Variants in TCP1 observed in about 807,000 individuals in gnomAD.
TCP1 encodes t-complex 1, also known as T-complex protein 1 subunit alpha.
A neutral mutation model predicts 54.7 loss-of-function variants in TCP1; 6 were observed. The ratio of observed to expected loss-of-function variants is 0.11; its 90% CI spans 0.06 to 0.22. The LOEUF is 0.22. Among genes scored for constraint, TCP1 ranks in the 10% least tolerant of loss-of-function variants. The pLI is 1.00. For missense variants in TCP1, 511 were observed against 678.2 expected, an observed-to-expected ratio of 0.75 and a Z score of 2.74; for synonymous variants, 225 against 229.7, an observed-to-expected ratio of 0.98 and a Z score of 0.19.
rs2181197 is a variant in TCP1, at chr6:159,789,567, C to T, written c.-99G>A. 6,571 of 1,426,774 alleles carry T rather than the reference C, an allele frequency of 4.6e-3. 39 individuals are homozygous for T. The highest frequency in any genetic ancestry group is 0.023 in the Middle Eastern group (121 of 5,366). The allele number at this position is 1,426,774 out of a possible 1,614,324, so 88.4% of individuals were successfully genotyped here. A position where few individuals can be genotyped will look rare whatever the true frequency, so the allele number is the denominator to read the frequency against. On this transcript the variant is annotated 5_prime_UTR_variant, in exon 1 of 12. Transcript: ENST00000321394. ...GCGACCACAGCAGTGGCTGCGACGG[C>T]GTGGAGCGTACCCGAGCGATGTCCC...
rs755930855 is a variant in TCP1 at position 159,785,914 on chromosome 6, A to G, written c.363T>C (p.Tyr121=). The G allele has an allele frequency of 1.2e-6, 2 of 1,613,644 alleles. No individual in the cohort carries two copies. Among genetic ancestry groups the G allele is most frequent in the East Asian group, 4.5e-5 (2 of 44,866 alleles). Residue 121 remains tyrosine, a synonymous_variant, in exon 4 of 12, where the codon TAT becomes TAC. Transcript: ENST00000321394. ...KIHPTSVISG[Y]RLACKEAVRY... ...AACAATCTTACTTGCAAGCAAGTCG[A>G]TAGCCACTAATAACTGATGTGGGAT...
rs199948034 is a variant in TCP1 at position 159,785,354 on chromosome 6, G to A, written c.488+32C>T. Reference sequence around the variant, plus strand: ...ATCTCAAAGTCTTATGCTTTAAAAAGTCTAAATTTTATCTGACAACCACAA... The same window carrying A: ...ATCTCAAAGTCTTATGCTTTAAAAAATCTAAATTTTATCTGACAACCACAA... On this transcript the variant is annotated intron_variant, in intron 5 of 11. Transcript: ENST00000321394. 119 of 1,541,214 alleles carry A rather than the reference G, an allele frequency of 7.7e-5. No homozygotes were observed. In the African/African-American group the frequency reaches 1.5e-3, roughly 19 times the overall value.
chr6:159,783,754 TA>T (rs1483721281), intron 7 of TCP1, among the ~76,000 whole-genome samples, 186 bp downstream of exon 7: 1 of 151,994 alleles, frequency 6.6e-6, no homozygotes, highest in Non-Finnish European at 1.5e-5. Flanking sequence ...TCTTTAATAT[TA>T]ATAGACTCAT....
At position 159,780,338 on chromosome 6, in the gene TCP1, T is replaced by C. The variant is rs1228654282; in HGVS notation, c.1097+105A>G. 5 of 1,544,912 alleles carry C rather than the reference T, an allele frequency of 3.2e-6. No individual in the cohort carries two copies. The African/African-American group carries it at 5.4e-5, about 17-fold the overall frequency. On this transcript the variant is annotated intron_variant, in intron 9 of 11. Coordinates refer to ENST00000321394, the MANE Select transcript of TCP1 (RefSeq NM_030752.3). ...TGTTATTTTATCCCATGCGTATAAC[T>C]GCTCGTATCACTGTGAGACTACAAG...
At position 159,785,241 on chromosome 6, in the gene TCP1, C is replaced by T. The variant is rs1322350645; in HGVS notation, c.488+145G>A. 8.9e-6 allele frequency: 6 copies of T among 671,770 alleles called. No individual in the cohort carries two copies. In the East Asian group the frequency reaches 1.1e-4, roughly 12 times the overall value. The allele number at this position is 671,770 out of a possible 1,614,324, so 41.6% of individuals were successfully genotyped here. A position where few individuals can be genotyped will look rare whatever the true frequency, so the allele number is the denominator to read the frequency against. On this transcript the variant is annotated intron_variant, in intron 5 of 11. Coordinates refer to ENST00000321394, the MANE Select transcript of TCP1 (RefSeq NM_030752.3). Reference sequence around the variant, plus strand: ...CGAGACAGGGTCTTGCTATGTTGCCCACATTGGACTGGCACTCCTGGGTTC... The same window carrying T: ...CGAGACAGGGTCTTGCTATGTTGCCTACATTGGACTGGCACTCCTGGGTTC...
Position 159,785,502 on chromosome 6 carries a change from T to G in TCP1, c.378-6A>C. On this transcript the variant is annotated splice_region_variant and splice_polypyrimidine_tract_variant and intron_variant, in intron 4 of 11. Transcript: ENST00000321394. ...TGATATAACGCACTGCTTCCCTGTTTAAAAGTGTGGGGGAGAAAAACGCTT... is the reference window on the plus strand; with the variant it reads ...TGATATAACGCACTGCTTCCCTGTTGAAAAGTGTGGGGGAGAAAAACGCTT... 1 of 1,607,356 alleles carries G rather than the reference T, an allele frequency of 6.2e-7. No individual in the cohort carries two copies. The highest frequency in any genetic ancestry group is 8.5e-7 in the Non-Finnish European group (1 of 1,174,516).
In TCP1 at chr6:159,779,712, C is replaced by T; in HGVS notation, c.1369G>A (p.Ala457Thr). ...GCAACCAGATCTGTGGAGTCCTGGG[C>T]AGCATTAACTGCTAGTGTATTGGGA... ...VIPNTLAVNA[A>T]QDSTDLVAKL... Residue 457 changes from alanine (A) to threonine (T), a missense_variant, in exon 11 of 12, where the codon GCC becomes ACC. By Grantham distance (58) the Ala-to-Thr change is moderately conservative. Around this residue, in one of 5 missense-constraint regions of TCP1, gnomAD observed 88 missense variants for 153.1 expected, o/e 0.57. Coordinates refer to ENST00000321394, the MANE Select transcript of TCP1 (RefSeq NM_030752.3). 6.2e-7 allele frequency: 1 copy of T among 1,613,682 alleles called. No individual in the cohort carries two copies. The highest frequency in any genetic ancestry group is 2.2e-5 in the East Asian group (1 of 44,878).
chr6:159,784,254 G>C (rs1780641678), intron 6 of TCP1, among the ~76,000 whole-genome samples, 187 bp from the exon 7 acceptor site: 1 of 151,670 alleles, frequency 6.6e-6, no homozygotes, highest in Non-Finnish European at 1.5e-5. Flanking sequence ...TGTTGTATGT[G>C]CTTTAAATTA....
At chr6:159,780,232 A>G in intron 9 of TCP1, 145 bp from the exon 10 acceptor site, 1 of 1,214,530 alleles carries the variant, frequency 8.2e-7, no homozygotes, top group Non-Finnish European at 1.2e-6. Context: ...CAGGATATTT[A>G]GATATACTAT....
chr6:159,789,108 G>A (rs1346978759), intron 1 of TCP1: 6 of 443,924 alleles, frequency 1.4e-5, no homozygotes, highest in Admixed American at 3.7e-5. Flanking sequence ...GCACGTGCGA[G>A]CCCGGGAGGC....
chr6:159,778,881 A>AG lies in TCP1; in HGVS notation c.*163dup, dbSNP rs765228365. 2 of 1,607,884 alleles carry AG rather than the reference A, an allele frequency of 1.2e-6. No homozygotes were observed. The highest frequency in any genetic ancestry group is 3.4e-5 in the Admixed American group (2 of 59,596). On this transcript the variant is annotated 3_prime_UTR_variant, in exon 12 of 12. Coordinates refer to ENST00000321394, the MANE Select transcript of TCP1 (RefSeq NM_030752.3). ...TTTCTTTTTAAACTAATAAAGTACTAGGTTGCAATATGTGAAATCAGAGGA... is the reference window on the plus strand; with the variant it reads ...TTTCTTTTTAAACTAATAAAGTACTAGGGTTGCAATATGTGAAATCAGAGGA...
At chr6:159,780,825 G>T in intron 8 of TCP1, 110 bp downstream of exon 8, 1 of 1,347,752 alleles carries the variant, frequency 7.4e-7, no homozygotes, top group Non-Finnish European at 1.0e-6. Flanking sequence ...AGCATTAAGA[G>T]AATATAAATG....
intron 7 of TCP1, among the ~76,000 whole-genome samples, chr6:159,781,353 C>T (rs1780571885): frequency 6.6e-6 from 1 of 152,180 alleles, no homozygotes; most frequent in Non-Finnish European, 1.5e-5. Context: ...GAACACAGGT[C>T]CTGCCTTCAA....
chr6:159,778,547 T>G lies in TCP1; in HGVS notation c.*498A>C. 8.2e-7 allele frequency: 1 copy of G among 1,216,774 alleles called. No homozygotes were observed. The highest frequency in any genetic ancestry group is 1.1e-6 in the Non-Finnish European group (1 of 875,820). The allele number at this position is 1,216,774 out of a possible 1,614,324, so 75.4% of individuals were successfully genotyped here. On this transcript the variant is annotated 3_prime_UTR_variant, in exon 12 of 12. Transcript: ENST00000321394. Reference sequence around the variant, plus strand: ...TATTCCTAAGCAGTTAAAATGAAAATTTGAGTTTGAAAGGGTAGCATGCTG... The same window carrying G: ...TATTCCTAAGCAGTTAAAATGAAAAGTTGAGTTTGAAAGGGTAGCATGCTG...
At chr6:159,783,377 C>CTGT (rs1413059714) in intron 7 of TCP1, among the ~76,000 whole-genome samples, 1 of 78,368 alleles carries the variant, frequency 1.3e-5, no homozygotes, top group Non-Finnish European at 2.6e-5. Flanking sequence ...ACTGTTTAAA[C>CTGT]TATTTTTTTT....
At chr6:159,783,124 AG>A (rs1289798247) in intron 7 of TCP1, among the ~76,000 whole-genome samples, 1 of 152,266 alleles carries the variant, frequency 6.6e-6, no homozygotes, top group African/African-American at 2.4e-5. Context: ...AAAGAGCCAC[AG>A]GAAGAATCCA....
chr6:159,780,119 A>T (rs769096791), intron 9 of TCP1, 32 bp from the exon 10 acceptor site: 1 of 1,579,554 alleles, frequency 6.3e-7, no homozygotes, highest in Non-Finnish European at 8.6e-7. Context: ...TTCTTGTAAT[A>T]GCATTTTTAA....
In TCP1 at chr6:159,789,375, A is replaced by C. The variant is rs750551307; in HGVS notation, c.64+30T>G. 11 of 1,612,590 alleles carry C rather than the reference A, an allele frequency of 6.8e-6. No individual in the cohort carries two copies. The East Asian group carries it at 2.5e-4, about 36-fold the overall frequency. On this transcript the variant is annotated intron_variant, in intron 1 of 11. Transcript: ENST00000321394. The stretch of plus-strand genomic sequence containing the variant: ...GTGGGACTCGGCCCTCCCCGGCCGC[A>C]AACCCGACCCAGGCCCGGCCCGCCC...
intron 6 of TCP1, 83 bp from the exon 7 acceptor site, chr6:159,784,150 A>G: frequency 6.8e-7 from 1 of 1,473,314 alleles, no homozygotes; most frequent in Non-Finnish European, 9.0e-7. Flanking sequence ...GTATGTAAAC[A>G]CACAAATTTA....
Sources: allele counts gnomAD v4.1 joint callset (sites outside exome capture counted in the v4.1 genomes callset), GRCh38; gene constraint gnomAD v4.1.1; regional missense constraint gnomAD v4.1.1; transcripts MANE v1.5; gene names NCBI Gene and HGNC (gene_info 2026-07-23, HGNC 2026-07-21).